Variants in TTC3 observed in about 807,000 individuals in gnomAD.
The protein encoded by TTC3 is E3 ubiquitin-protein ligase TTC3.
In TTC3, 180 loss-of-function variants were observed where a neutral mutation model predicts 249.6. That is an observed-to-expected ratio of 0.72 (90% CI 0.64 to 0.82). The LOEUF (loss-of-function observed/expected upper bound fraction) is 0.82, where lower values mean the gene tolerates loss of function less well. Ranked by LOEUF, TTC3 falls within the 40% of genes least tolerant of loss-of-function variation. TTC3 has a pLI of 0.00. For synonymous variants in TTC3, 717 were observed against 805.0 expected, an observed-to-expected ratio of 0.89 and a Z score of 1.85; for missense variants, 2,061 against 2,398.4, an observed-to-expected ratio of 0.86 and a Z score of 2.94.
chr21:37,196,426 G>A (rs1457266314), intron 42 of TTC3, among the ~76,000 whole-genome samples: 3 of 152,082 alleles, frequency 2.0e-5, no homozygotes, highest in Middle Eastern at 3.4e-3. Context: ...TAGTACAGGT[G>A]GGGTTTCACC....
At chr21:37,186,999 A>C (rs1198635417) in intron 37 of TTC3, 50 bp from the exon 38 acceptor site, 1 of 1,175,494 alleles carries the variant, frequency 8.5e-7, no homozygotes, top group Non-Finnish European at 1.2e-6. Context: ...TTGTCATCTC[A>C]CTGTGAAATT....
Position 37,132,877 on chromosome 21 carries a change from T to G in TTC3, c.1443+111T>G. 3 of 745,822 alleles carry G rather than the reference T, an allele frequency of 4.0e-6. No homozygotes were observed. In the South Asian group the frequency reaches 7.8e-5, roughly 19 times the overall value. The allele number at this position is 745,822 out of a possible 1,614,324, so 46.2% of individuals were successfully genotyped here. A position where few individuals can be genotyped will look rare whatever the true frequency, so the allele number is the denominator to read the frequency against. ...CTCTAAGTTTTTTTTATATAATTAT[T>G]GTATTATATTGTAGTTTTGTAGAGA... On this transcript the variant is annotated intron_variant, in intron 17 of 45. Transcript: ENST00000355666.
At chr21:37,122,902 A>G (rs1423797643) in intron 12 of TTC3, 81 bp from the exon 13 acceptor site, 1 of 1,355,434 alleles carries the variant, frequency 7.4e-7, no homozygotes, top group African/African-American at 2.9e-5. Flanking sequence ...CTATCAGCTT[A>G]AAGTAAATTT....
At chr21:37,122,775 T>A (rs978612103) in intron 12 of TTC3, among the ~76,000 whole-genome samples, 5 of 152,214 alleles carry the variant, frequency 3.3e-5, no homozygotes, top group Admixed American at 1.3e-4. Flanking sequence ...TCACATGTGA[T>A]GGAATGTCAG....
chr21:37,084,654 A>G (rs2072167512), intron 1 of TTC3, among the ~76,000 whole-genome samples: 1 of 152,216 alleles, frequency 6.6e-6, no homozygotes, highest in Admixed American at 6.5e-5. Flanking sequence ...TCTTGGCTGC[A>G]GAGTCCCTGT....
chr21:37,104,143 G>C (rs953849425), intron 10 of TTC3, among the ~76,000 whole-genome samples: 1 of 152,172 alleles, frequency 6.6e-6, no homozygotes, highest in Non-Finnish European at 1.5e-5. Flanking sequence ...GTTGGTGTTG[G>C]AACTTGAGAG....
At chr21:37,081,708 T>C (rs908695633) in intron 1 of TTC3, 1 of 152,102 alleles carries the variant, frequency 6.6e-6, no homozygotes, top group East Asian at 1.9e-4. Flanking sequence ...TCTTTCATAT[T>C]TTTTATCTCT....
chr21:37,162,400 C>T (rs2080841282), intron 31 of TTC3, among the ~76,000 whole-genome samples: 1 of 97,892 alleles, frequency 1.0e-5, no homozygotes, highest in East Asian at 3.0e-4. Context: ...AGAGAATGTC[C>T]TGTTAATACT....
At chr21:37,082,549 C>G in intron 1 of TTC3, 2 of 985,324 alleles carry the variant, frequency 2.0e-6, no homozygotes. Flanking sequence ...GCTTCTGGCC[C>G]AGGGCTCAGT....
chr21:37,129,891 T>TC, intron 16 of TTC3, among the ~76,000 whole-genome samples: 6 of 152,232 alleles, frequency 3.9e-5, no homozygotes, highest in Non-Finnish European at 1.5e-5. Context: ...GTGATCCTTC[T>TC]GCCTTGGCCT....
chr21:37,122,511 A>ATTCTCTCC lies in TTC3; in HGVS notation c.1064-469_1064-462dup, dbSNP rs1373263561. Among the ~76,000 whole-genome samples the ATTCTCTCC allele has an allele frequency of 2.7e-4, 40 of 149,702 alleles. 1 individual carries two copies. The East Asian group carries it at 7.4e-3, about 28-fold the overall frequency. On this transcript the variant is annotated intron_variant, in intron 12 of 45. Transcript: ENST00000355666. ...TGCAGGCTAGGAGTTGTAGATTTTC[A>ATTCTCTCC]TTCTCTCCTTGTTTTCTCTCCTAAG...
Position 37,167,382 on chromosome 21 carries a change from A to G in TTC3, c.4402-173A>G, listed in dbSNP as rs531355008. On this transcript the variant is annotated intron_variant, in intron 33 of 45. Coordinates refer to ENST00000355666, the Ensembl canonical transcript of TTC3. ...GATCATAATCATTTCCAGATATGCTAATTCTAAATAACTTTCCTAATATAC... is the reference window on the plus strand; with the variant it reads ...GATCATAATCATTTCCAGATATGCTGATTCTAAATAACTTTCCTAATATAC... 3.9e-5 allele frequency among the ~76,000 whole-genome samples: 6 copies of G among 152,346 alleles called. No individual in the cohort carries two copies. The East Asian group carries it at 1.2e-3, about 29-fold the overall frequency.
At chr21:37,196,782 A>C (rs1458687776) in intron 42 of TTC3, among the ~76,000 whole-genome samples, 1 of 152,184 alleles carries the variant, frequency 6.6e-6, no homozygotes, top group Non-Finnish European at 1.5e-5. Flanking sequence ...GATTTGTTAG[A>C]GTGTGAGGTT....
At chr21:37,195,753 A>C (rs1305144978) in exon 42 of TTC3, 1 of 1,613,922 alleles carries the variant, frequency 6.2e-7, no homozygotes, top group Admixed American at 1.7e-5. Flanking sequence ...CGTGACTGGA[A>C]ACCACGCAGC....
chr21:37,144,248 A>AT lies in TTC3; in HGVS notation c.1773-277_1773-276insT, dbSNP rs1200489833. Among the ~76,000 whole-genome samples, 24 of 151,378 alleles carry AT rather than the reference A, an allele frequency of 1.6e-4. 1 individual carries two copies. Among genetic ancestry groups the AT allele is most frequent in the African/African-American group, 3.9e-4 (16 of 41,032 alleles). ...CCTAGAACTTAAAGTATAATAAAAAAAATATATATATATAAACAACAAACA... is the reference window on the plus strand; with the variant it reads ...CCTAGAACTTAAAGTATAATAAAAAATAATATATATATATAAACAACAAACA... On this transcript the variant is annotated intron_variant, in intron 20 of 45. Transcript: ENST00000355666.
chr21:37,173,464 G>A (rs1192199817), intron 35 of TTC3, among the ~76,000 whole-genome samples: 1 of 152,154 alleles, frequency 6.6e-6, no homozygotes, highest in African/African-American at 2.4e-5. Flanking sequence ...GGCTAGTGGA[G>A]GGATAGCAAT....
At chr21:37,157,241 A>G (rs1259369281) in intron 28 of TTC3, 6 of 1,270,918 alleles carry the variant, frequency 4.7e-6, no homozygotes, top group Non-Finnish European at 4.2e-6. Context: ...ATAGCATTTT[A>G]GAAAACATTG....
intron 33 of TTC3, 100 bp downstream of exon 33, chr21:37,166,715 C>G: frequency 1.4e-6 from 2 of 1,444,280 alleles, no homozygotes; most frequent in Non-Finnish European, 1.8e-6. Flanking sequence ...AGTTGATTGA[C>G]TTTATAATGA....
intron 27 of TTC3, among the ~76,000 whole-genome samples, chr21:37,154,370 A>G (rs2079787720): frequency 6.6e-6 from 1 of 152,236 alleles, no homozygotes; most frequent in Non-Finnish European, 1.5e-5. Context: ...AGACGATGTA[A>G]GATGGCAGCA....
Sources: gnomAD v4.1 joint callset for allele counts (sites outside exome capture counted in the v4.1 genomes callset) on GRCh38, gnomAD v4.1.1 for gene constraint, MANE v1.5 for transcripts, NCBI Gene and HGNC (gene_info 2026-07-23, HGNC 2026-07-21) for gene names.